The following TSPAN11 variants were observed in gnomAD, a reference collection of about 807,000 sequenced individuals.
TSPAN11 encodes the protein tetraspanin-11.
Under a neutral mutation model 32.9 loss-of-function variants are expected in TSPAN11, and 29 were observed. The ratio of observed to expected loss-of-function variants is 0.88; its 90% CI spans 0.66 to 1.20. The LOEUF is 1.20. Among genes scored for constraint, TSPAN11 ranks in the 50% most tolerant of loss-of-function variants. The pLI is 0.00. For synonymous variants in TSPAN11, 140 were observed against 141.3 expected (o/e 0.99, Z 0.07); for missense variants, 283 against 329.1 (o/e 0.86, Z 1.08).
chr12:30,973,851 G>C (rs58602179), intron 3 of TSPAN11, among the ~76,000 whole-genome samples: 7 of 152,114 alleles, frequency 4.6e-5, no homozygotes, highest in African/African-American at 1.4e-4. Flanking sequence ...ATGCTTCCTA[G>C]AGTCAACCCT....
intron 2 of TSPAN11, among the ~76,000 whole-genome samples, chr12:30,959,189 G>A (rs944241755): frequency 2.0e-5 from 3 of 152,126 alleles, no homozygotes; most frequent in South Asian, 2.1e-4. Context: ...CGTGTGCTGG[G>A]CCGCGTTCTG....
chr12:30,981,738 ACTC>A (rs1213812402), intron 5 of TSPAN11, among the ~76,000 whole-genome samples: 2 of 152,124 alleles, frequency 1.3e-5, no homozygotes, highest in African/African-American at 4.8e-5. Context: ...CCCATGCCTT[ACTC>A]AAGTTTCTTC....
At chr12:30,941,195 C>A (rs1196378391) in intron 1 of TSPAN11, among the ~76,000 whole-genome samples, 1 of 152,176 alleles carries the variant, frequency 6.6e-6, no homozygotes, top group Non-Finnish European at 1.5e-5. Flanking sequence ...GATGCAAAAC[C>A]CATATATACA....
rs752101858 is a variant in TSPAN11 at position 30,963,318 on chromosome 12, G to C, written c.85-508G>C. ...CTCCGTGGGTCTCAGTTTCTTCCTC[G>C]TAGAGTAGGGATAAAAAGCCCAGCT... is the stretch of plus-strand genomic sequence containing the variant. On this transcript the variant is annotated intron_variant, in intron 2 of 7. Coordinates refer to ENST00000546076, the MANE Select transcript of TSPAN11 (RefSeq NM_001370302.1). Among the ~76,000 whole-genome samples the C allele has an allele frequency of 2.6e-5, 4 of 152,270 alleles. No homozygotes were observed. In the East Asian group the frequency reaches 7.7e-4, roughly 29 times the overall value.
intron 2 of TSPAN11, 195 bp downstream of exon 2, chr12:30,954,270 C>T (rs1430361578): frequency 6.6e-6 from 4 of 609,934 alleles, no homozygotes; most frequent in Non-Finnish European, 1.2e-5. Flanking sequence ...ATTGGGTCTG[C>T]AGGTTGGCAT....
At chr12:30,942,812 C>T (rs1938193329) in intron 1 of TSPAN11, among the ~76,000 whole-genome samples, 1 of 151,962 alleles carries the variant, frequency 6.6e-6, no homozygotes, top group Non-Finnish European at 1.5e-5. Context: ...ATTCTTAGTG[C>T]TAGGGTTTTA....
intron 1 of TSPAN11, among the ~76,000 whole-genome samples, chr12:30,938,811 A>G (rs998875579): frequency 6.6e-6 from 1 of 152,206 alleles, no homozygotes; most frequent in Non-Finnish European, 1.5e-5. Flanking sequence ...AATTCTGGAT[A>G]GGGACAACTT....
chr12:30,938,430 A>C (rs1938090379), intron 1 of TSPAN11, among the ~76,000 whole-genome samples: 1 of 152,164 alleles, frequency 6.6e-6, no homozygotes, highest in African/African-American at 2.4e-5. Flanking sequence ...ACCCCATCAG[A>C]AGGAAGGCAC....
intron 2 of TSPAN11, 55 bp from the exon 3 acceptor site, chr12:30,963,771 T>G: frequency 1.3e-6 from 2 of 1,568,028 alleles, no homozygotes; most frequent in Non-Finnish European, 1.7e-6. Context: ...ACTGAACGGA[T>G]AGCAGCTGCC....
chr12:30,983,179 G>C, intron 7 of TSPAN11, 29 bp downstream of exon 7: 1 of 1,593,694 alleles, frequency 6.3e-7, no homozygotes, highest in Non-Finnish European at 8.5e-7. Flanking sequence ...ACTGGTGGGG[G>C]TGGAAGGGCT....
intron 7 of TSPAN11, among the ~76,000 whole-genome samples, chr12:30,983,707 A>T (rs1939144455): frequency 6.6e-6 from 1 of 152,206 alleles, no homozygotes; most frequent in Non-Finnish European, 1.5e-5. Context: ...GGATGATTGC[A>T]TCTGTACTGA....
chr12:30,927,106 A>G, intron 1 of TSPAN11: 1 of 1,148,600 alleles, frequency 8.7e-7, no homozygotes, highest in Non-Finnish European at 1.1e-6. Context: ...TGGGCCTCTG[A>G]GGGCCTCGTG....
At position 30,992,236 on chromosome 12, in the gene TSPAN11, C is replaced by G. The variant is rs910757393; in HGVS notation, c.*321C>G. On this transcript the variant is annotated 3_prime_UTR_variant, in exon 8 of 8. Coordinates refer to ENST00000546076, the MANE Select transcript of TSPAN11 (RefSeq NM_001370302.1). The stretch of plus-strand genomic sequence containing the variant: ...TACGGGAGGGTGGCGGTTGGGTTCT[C>G]TGCTCCCTCCCAGCTCCTGAACCTG... 2 of 423,794 alleles carry G rather than the reference C, an allele frequency of 4.7e-6. No individual in the cohort carries two copies. The highest frequency in any genetic ancestry group is 3.2e-5 in the South Asian group (1 of 30,888). The allele number at this position is 423,794 out of a possible 1,614,324, so 26.3% of individuals were successfully genotyped here. A position where few individuals can be genotyped will look rare whatever the true frequency, so the allele number is the denominator to read the frequency against.
chr12:30,978,618 C>T lies in TSPAN11; in HGVS notation c.334C>T (p.His112Tyr), dbSNP rs1939023394. 6.2e-7 allele frequency: 1 copy of T among 1,614,058 alleles called. No homozygotes were observed. The highest frequency in any genetic ancestry group is 1.1e-5 in the South Asian group (1 of 91,080). Reference sequence around the variant, plus strand: ...TGAGCTGGTGGCGGGAGTCCTGGCCCATGTGTATTACCAGAGGGTAAGTGA... The same window carrying T: ...TGAGCTGGTGGCGGGAGTCCTGGCCTATGTGTATTACCAGAGGGTAAGTGA... ...LVELVAGVLAHVYYQRLSDEL... is the reference protein window; with the variant it reads ...LVELVAGVLAYVYYQRLSDEL... Residue 112 changes from histidine to tyrosine, a missense_variant, in exon 4 of 8, where the codon CAT becomes TAT. Transcript: ENST00000546076.
At chr12:30,969,934 C>A (rs892736102) in intron 3 of TSPAN11, among the ~76,000 whole-genome samples, 3 of 152,224 alleles carry the variant, frequency 2.0e-5, no homozygotes, top group African/African-American at 7.2e-5. Flanking sequence ...TGGATTTGGT[C>A]AGAGGCTCTG....
At chr12:31,004,519 G>C in the TSPAN11 span, among the ~76,000 whole-genome samples, 172 of 152,276 alleles carry the variant, frequency 1.1e-3, 3 homozygotes, top group East Asian at 0.029. Flanking sequence ...GGTGAAGCTG[G>C]CAGGAACAAT....
chr12:31,013,842 GC>G, the TSPAN11 span, among the ~76,000 whole-genome samples: 1 of 152,212 alleles, frequency 6.6e-6, no homozygotes, highest in African/African-American at 2.4e-5. Context: ...CAGTATGGTA[GC>G]CGCCAGGTAC....
chr12:31,013,417 A>C, the TSPAN11 span, among the ~76,000 whole-genome samples: 7 of 152,168 alleles, frequency 4.6e-5, no homozygotes, highest in South Asian at 1.2e-3. Flanking sequence ...TACCAAAAAA[A>C]AAAAAATTTT....
chr12:30,954,279 A>G, intron 2 of TSPAN11: 2 of 603,556 alleles, frequency 3.3e-6, no homozygotes, highest in Non-Finnish European at 5.9e-6. Flanking sequence ...GCAGGTTGGC[A>G]TGGAGTTTGT....
Sources: allele counts gnomAD v4.1 joint callset (sites outside exome capture counted in the v4.1 genomes callset), GRCh38; gene constraint gnomAD v4.1.1; transcripts MANE v1.5; gene names NCBI Gene and HGNC (gene_info 2026-07-23, HGNC 2026-07-21).